CACHD1: variants seen among roughly 807,000 people sequenced by gnomAD.
CACHD1 encodes VWFA and cache domain-containing protein 1.
A neutral mutation model predicts 138.7 loss-of-function variants in CACHD1; 71 were observed. That is an observed-to-expected ratio of 0.51 (90% CI 0.42 to 0.62). The LOEUF (loss-of-function observed/expected upper bound fraction) is 0.62, where lower values mean the gene tolerates loss of function less well. CACHD1 is among the 20% of genes least tolerant of loss of function. The pLI is 0.00. For missense variants in CACHD1, 1,389 were observed against 1,625.3 expected (o/e 0.85, Z 2.50); for synonymous variants, 578 against 591.5 (o/e 0.98, Z 0.33).
intron 2 of CACHD1, among the ~76,000 whole-genome samples, chr1:64,572,726 G>T (rs765093176): frequency 6.6e-6 from 1 of 152,102 alleles, no homozygotes; most frequent in Non-Finnish European, 1.5e-5. Context: ...CAGCACAGGG[G>T]CCCCACCTCT....
intron 16 of CACHD1, among the ~76,000 whole-genome samples, chr1:64,670,859 T>C (rs1649789365): frequency 6.6e-6 from 1 of 152,176 alleles, no homozygotes; most frequent in Admixed American, 6.5e-5. Flanking sequence ...AAGCCACATA[T>C]ATAGAAAGCA....
chr1:64,669,360 G>A lies in CACHD1; in HGVS notation c.2388-2204G>A, dbSNP rs144600348. Among the ~76,000 whole-genome samples the A allele has an allele frequency of 9.2e-3, 1,404 of 152,244 alleles. 27 individuals carry two copies. Among genetic ancestry groups the A allele is most frequent in the African/African-American group, 0.032 (1,321 of 41,538 alleles). On this transcript the variant is annotated intron_variant, in intron 16 of 26. Transcript: ENST00000651257. Reference sequence around the variant, plus strand: ...TTTTAAAGTTCTGACATTTTAGCAGGTCAGAAGAGAAAGCTTAAGCTAATC... The same window carrying A: ...TTTTAAAGTTCTGACATTTTAGCAGATCAGAAGAGAAAGCTTAAGCTAATC...
rs555983598 is a variant in CACHD1, at chr1:64,678,397, C to T, written c.3244+87C>T. 2.3e-5 allele frequency: 30 copies of T among 1,294,488 alleles called. 1 individual carries two copies. In the South Asian group the frequency reaches 5.5e-4, roughly 24 times the overall value. The allele number at this position is 1,294,488 out of a possible 1,614,324, so 80.2% of individuals were successfully genotyped here. On this transcript the variant is annotated intron_variant, in intron 23 of 26. Coordinates refer to ENST00000651257, the MANE Select transcript of CACHD1 (RefSeq NM_020925.4). ...TAGGACATCTTAAAATAATCCTCTT[C>T]CCAACTTCCCTGATTCCTTTGCTGG...
intron 4 of CACHD1, among the ~76,000 whole-genome samples, chr1:64,617,298 G>C (rs1452149115): frequency 6.6e-6 from 1 of 151,932 alleles, no homozygotes; most frequent in Non-Finnish European, 1.5e-5. Flanking sequence ...TTAATTTTCT[G>C]TTATTTCTTT....
chr1:64,515,713 G>A (rs305570), intron 1 of CACHD1, among the ~76,000 whole-genome samples: 16 of 152,130 alleles, frequency 1.1e-4, no homozygotes, highest in African/African-American at 3.6e-4. Flanking sequence ...TAAAATTAAT[G>A]TATGAAGAAA....
chr1:64,634,185 A>C lies in CACHD1; in HGVS notation c.931A>C (p.Thr311Pro). 2 of 1,613,924 alleles carry C rather than the reference A, an allele frequency of 1.2e-6. No homozygotes were observed. Among genetic ancestry groups the C allele is most frequent in the Non-Finnish European group, 8.5e-7 (1 of 1,179,984 alleles). Reference protein sequence around the residue: ...VSSVKSSDSPTQHAVGFQKAF... With the variant: ...VSSVKSSDSPPQHAVGFQKAF... ...CAGCGTGAAGTCTTCAGACAGTCCT[A>C]CCCAGCACGCAGTGGGATTCCAAAA... The change falls in exon 7 of 27, where the codon ACC (threonine) becomes CCC (proline). Residue 311 changes from threonine (T) to proline (P), a missense_variant. Around this residue, in one of 5 missense-constraint regions of CACHD1, gnomAD observed 1,000 missense variants for 1,114.7 expected, o/e 0.90. Coordinates refer to ENST00000651257, the MANE Select transcript of CACHD1 (RefSeq NM_020925.4).
At chr1:64,686,237 T>G (rs1245832321) in intron 26 of CACHD1, among the ~76,000 whole-genome samples, 1 of 152,118 alleles carries the variant, frequency 6.6e-6, no homozygotes, top group Non-Finnish European at 1.5e-5. Flanking sequence ...AAAAGGAAAC[T>G]CAAAAGAATT....
At chr1:64,625,307 G>C (rs1648056764) in intron 4 of CACHD1, among the ~76,000 whole-genome samples, 1 of 152,160 alleles carries the variant, frequency 6.6e-6, no homozygotes, top group South Asian at 2.1e-4. Flanking sequence ...AGGTGAGAGG[G>C]TGGGAGGCGG....
chr1:64,691,823 AG>A lies in CACHD1; in HGVS notation c.*264del. 1 of 454,980 alleles carries A rather than the reference AG, an allele frequency of 2.2e-6. No individual in the cohort carries two copies. The highest frequency in any genetic ancestry group is 4.0e-6 in the Non-Finnish European group (1 of 248,982). The allele number at this position is 454,980 out of a possible 1,614,324, so 28.2% of individuals were successfully genotyped here. The stretch of plus-strand genomic sequence containing the variant: ...ACAGACCTGCCATAACACTAATGGA[AG>A]GTAACAGAAGGCGAACCTCCAAACA... On this transcript the variant is annotated 3_prime_UTR_variant, in exon 27 of 27. Transcript: ENST00000651257.
Position 64,678,262 on chromosome 1 carries a change from G to A in CACHD1, c.3196G>A (p.Gly1066Arg). 1.2e-6 allele frequency: 2 copies of A among 1,603,064 alleles called. No homozygotes were observed. The highest frequency in any genetic ancestry group is 1.7e-6 in the Non-Finnish European group (2 of 1,176,292). The part of the protein sequence containing the change: ...YCAPQKECFG[G>R]IVGAKSPYVD... ...TGCCCCCCAGAAAGAATGCTTCGGG[G>A]GGATTGTGGGAGCCAAAAGTCCCTA... Residue 1066 changes from glycine (G) to arginine (R), a missense_variant, in exon 23 of 27, where the codon GGG becomes AGG. Physicochemically the swap from Gly to Arg is moderately radical, Grantham distance 125. Transcript: ENST00000651257.
intron 1 of CACHD1, among the ~76,000 whole-genome samples, chr1:64,529,946 G>A (rs1010707152): frequency 6.6e-6 from 1 of 152,110 alleles, no homozygotes; most frequent in Non-Finnish European, 1.5e-5. Flanking sequence ...CCTTCTAGTT[G>A]TTTACGATTG....
rs191682970 is a variant in CACHD1, at chr1:64,612,804, A to T, written c.517+9892A>T. ...TAATGTTGTTTTCATGCCTGCTAGT[A>T]CAGTGTCCACTCTGCAGCCAATGGA... On this transcript the variant is annotated intron_variant, in intron 4 of 26. Transcript: ENST00000651257. Among the ~76,000 whole-genome samples, 260 of 152,340 alleles carry T rather than the reference A, an allele frequency of 1.7e-3. 1 individual carries two copies. Among genetic ancestry groups the T allele is most frequent in the African/African-American group, 5.5e-3 (230 of 41,570 alleles).
At chr1:64,645,485 T>G (rs1399070114) in intron 8 of CACHD1, among the ~76,000 whole-genome samples, 1 of 151,962 alleles carries the variant, frequency 6.6e-6, no homozygotes, top group East Asian at 1.9e-4. Context: ...AAAAATTAAA[T>G]TTAAAAAAGA....
chr1:64,483,511 A>G (rs920164296), intron 1 of CACHD1, among the ~76,000 whole-genome samples: 3 of 151,938 alleles, frequency 2.0e-5, no homozygotes, highest in African/African-American at 7.3e-5. Context: ...ATTTTGAGTA[A>G]TGTTTTGAAG....
rs78942112 is a variant in CACHD1, at chr1:64,471,013, A to G, written c.198+71A>G. 2.7e-4 allele frequency: 388 copies of G among 1,456,302 alleles called. 2 individuals are homozygous for G. The African/African-American group carries it at 4.7e-3, about 18-fold the overall frequency. 90.2% of individuals were successfully genotyped at this position (1,456,302 alleles called of 1,614,324 possible). A position where few individuals can be genotyped will look rare whatever the true frequency, so the allele number is the denominator to read the frequency against. On this transcript the variant is annotated intron_variant, in intron 1 of 26. Transcript: ENST00000651257. ...CTCAAACTCCCATCCCACTCCCGGT[A>G]CAAGTCCCCTGGACTGTGTGCATCG...
intron 1 of CACHD1, among the ~76,000 whole-genome samples, chr1:64,489,884 A>C (rs1467067174): frequency 6.6e-6 from 1 of 152,182 alleles, no homozygotes; most frequent in African/African-American, 2.4e-5. Flanking sequence ...AAGTGTTATA[A>C]TATTATTAGT....
At chr1:64,566,479 T>TCCCC (rs34760107) in intron 2 of CACHD1, among the ~76,000 whole-genome samples, 24,207 of 117,398 alleles carry the variant, frequency 0.21, 6,006 homozygotes, top group Non-Finnish European at 0.31. Flanking sequence ...TGTTTTCAAT[T>TCCCC]CCCCCCCCCC....
chr1:64,478,664 A>C (rs893772763), intron 1 of CACHD1, among the ~76,000 whole-genome samples: 1 of 152,314 alleles, frequency 6.6e-6, no homozygotes, highest in Non-Finnish European at 1.5e-5. Flanking sequence ...ATGGCTCAAG[A>C]CAATATAGAA....
chr1:64,549,803 T>A (rs559598781), intron 1 of CACHD1, among the ~76,000 whole-genome samples: 64 of 145,324 alleles, frequency 4.4e-4, no homozygotes, highest in South Asian at 1.3e-3. Context: ...TTATTTTTTT[T>A]ATTTTTTTGC....
Sources: gnomAD v4.1 joint callset for allele counts (sites outside exome capture counted in the v4.1 genomes callset) on GRCh38, gnomAD v4.1.1 for gene constraint, gnomAD v4.1.1 regional missense constraint, MANE v1.5 for transcripts, NCBI Gene and HGNC (gene_info 2026-07-23, HGNC 2026-07-21) for gene names.